AMOTL1: variants seen among roughly 807,000 people sequenced by gnomAD.
AMOTL1 encodes the protein angiomotin like 1.
In AMOTL1, 45 loss-of-function variants were observed where a neutral mutation model predicts 102.9. The ratio of observed to expected loss-of-function variants is 0.44; its 90% CI spans 0.34 to 0.56. The LOEUF is 0.56. Among genes scored for constraint, AMOTL1 ranks in the 20% least tolerant of loss-of-function variants. The pLI, the probability that AMOTL1 is intolerant of heterozygous loss-of-function variation, is 0.01. For missense variants in AMOTL1, 1,114 were observed against 1,225.6 expected (o/e 0.91, Z 1.36); for synonymous variants, 481 against 484.7 (o/e 0.99, Z 0.10).
chr11:94,829,034 A>G (rs1952021767), intron 4 of AMOTL1, among the ~76,000 whole-genome samples: 1 of 152,144 alleles, frequency 6.6e-6, no homozygotes, highest in East Asian at 1.9e-4. Context: ...TATTATATCA[A>G]ACTCCTGTTA....
At chr11:94,716,979 C>G (rs1591885601) in intron 1 of AMOTL1, among the ~76,000 whole-genome samples, 1 of 152,046 alleles carries the variant, frequency 6.6e-6, no homozygotes, top group South Asian at 2.1e-4. Context: ...TGGGCTTACC[C>G]TTTCCCTGCC....
chr11:94,728,693 C>A (rs1459887055), intron 1 of AMOTL1, among the ~76,000 whole-genome samples: 1 of 152,066 alleles, frequency 6.6e-6, no homozygotes, highest in African/African-American at 2.4e-5. Flanking sequence ...GCCTGGCATA[C>A]AATAGTCATT....
intron 3 of AMOTL1, among the ~76,000 whole-genome samples, chr11:94,753,970 G>C (rs985460358): frequency 2.0e-5 from 3 of 152,178 alleles, no homozygotes; most frequent in Non-Finnish European, 4.4e-5. Flanking sequence ...TGGAGTTCTA[G>C]CTCCTTCAGG....
In AMOTL1 at chr11:94,854,030, G is replaced by A. The variant is rs761677965; in HGVS notation, c.1892G>A (p.Arg631Gln). The A allele has an allele frequency of 8.3e-6, 13 of 1,565,460 alleles. No homozygotes were observed. Among genetic ancestry groups the A allele is most frequent in the South Asian group, 2.3e-5 (2 of 85,196 alleles). Reference sequence around the variant, plus strand: ...TGTGAGAAGCGAGAACAGATGGAGCGGAGACTGCGGACTTGGCTGGAGAGA... The same window carrying A: ...TGTGAGAAGCGAGAACAGATGGAGCAGAGACTGCGGACTTGGCTGGAGAGA... ...SACEKREQMERRLRTWLEREL... is the reference protein window; with the variant it reads ...SACEKREQMEQRLRTWLEREL... Residue 631 changes from arginine to glutamine, a missense_variant, in exon 8 of 13, where the codon CGG becomes CAG. Transcript: ENST00000433060.
At chr11:94,740,653 C>T (rs1334603777) in intron 2 of AMOTL1, among the ~76,000 whole-genome samples, 1 of 151,872 alleles carries the variant, frequency 6.6e-6, no homozygotes, top group African/African-American at 2.4e-5. Flanking sequence ...AGCGCCCGGC[C>T]GGGGGAGCCG....
chr11:94,722,373 C>T (rs1950187622), intron 1 of AMOTL1, among the ~76,000 whole-genome samples: 1 of 152,174 alleles, frequency 6.6e-6, no homozygotes, highest in South Asian at 2.1e-4. Flanking sequence ...AGTGTATCTA[C>T]TTCACATGCT....
rs1489335567 is a variant in AMOTL1 at position 94,869,265 on chromosome 11, A to G, written c.2556A>G (p.Ser852=). 2 of 1,613,264 alleles carry G rather than the reference A, an allele frequency of 1.2e-6. No homozygotes were observed. The highest frequency in any genetic ancestry group is 8.5e-7 in the Non-Finnish European group (1 of 1,179,668). Residue 852 remains serine (S), a synonymous_variant, in exon 12 of 13, where the codon TCA becomes TCG. Transcript: ENST00000433060. ...CACTGCTGCCACCCCCACCCACCTC[A>G]GCACTGTCCTCCATAGCCTCCACTA... ...SAPLLPPPPT[S]ALSSIASTTA...
intron 1 of AMOTL1, among the ~76,000 whole-genome samples, chr11:94,780,509 A>G (rs1173365101): frequency 6.6e-6 from 1 of 152,232 alleles, no homozygotes; most frequent in Non-Finnish European, 1.5e-5. Flanking sequence ...TCTGACCTAA[A>G]CAAAACTCTA....
At chr11:94,788,256 G>A (rs1210326936) in intron 1 of AMOTL1, among the ~76,000 whole-genome samples, 1 of 152,218 alleles carries the variant, frequency 6.6e-6, no homozygotes, top group Non-Finnish European at 1.5e-5. Flanking sequence ...ATAGTTGGAA[G>A]TTGAACTACC....
At chr11:94,760,368 C>T (rs1237449877) in intron 3 of AMOTL1, among the ~76,000 whole-genome samples, 1 of 152,158 alleles carries the variant, frequency 6.6e-6, no homozygotes, top group Non-Finnish European at 1.5e-5. Context: ...TCCCAGACAC[C>T]CAGGTAAAGG....
intron 6 of AMOTL1, among the ~76,000 whole-genome samples, chr11:94,845,372 C>T (rs1376513932): frequency 6.6e-6 from 1 of 152,188 alleles, no homozygotes; most frequent in African/African-American, 2.4e-5. Flanking sequence ...ATGGGACCAC[C>T]ATTCGACATT....
intron 1 of AMOTL1, among the ~76,000 whole-genome samples, chr11:94,777,697 G>A (rs1951044957): frequency 6.6e-6 from 1 of 152,120 alleles, no homozygotes; most frequent in Non-Finnish European, 1.5e-5. Flanking sequence ...TCACAATTAT[G>A]CTAATTGAAT....
At chr11:94,798,137 C>T (rs1187838735) in intron 2 of AMOTL1, among the ~76,000 whole-genome samples, 2 of 152,190 alleles carry the variant, frequency 1.3e-5, no homozygotes, top group Non-Finnish European at 2.9e-5. Flanking sequence ...CCTCTTCCCG[C>T]CTGGGGGCCT....
chr11:94,743,942 C>T (rs1007745458), intron 3 of AMOTL1, among the ~76,000 whole-genome samples: 1 of 152,066 alleles, frequency 6.6e-6, no homozygotes, highest in Non-Finnish European at 1.5e-5. Context: ...GGATTACAGG[C>T]GTGAGCCACT....
At position 94,870,713 on chromosome 11, in the gene AMOTL1, C is replaced by T. The variant is rs1333291527; in HGVS notation, c.2789C>T (p.Ser930Leu). ...GAGAACTCTCCTGGCCATGGGAAGT[C>T]GCCTGACCACAGAGGCCGGGTCAGC... ...KLENSPGHGKSPDHRGRVSSL... is the reference protein window; with the variant it reads ...KLENSPGHGKLPDHRGRVSSL... Residue 930 changes from serine (S) to leucine (L), a missense_variant, in exon 13 of 13, where the codon TCG becomes TTG. Coordinates refer to ENST00000433060, the MANE Select transcript of AMOTL1 (RefSeq NM_130847.3). 10 of 1,602,268 alleles carry T rather than the reference C, an allele frequency of 6.2e-6. No homozygotes were observed. The highest frequency in any genetic ancestry group is 4.3e-6 in the Non-Finnish European group (5 of 1,173,548).
chr11:94,813,664 G>A (rs554431508), intron 3 of AMOTL1, among the ~76,000 whole-genome samples: 4 of 152,228 alleles, frequency 2.6e-5, no homozygotes, highest in South Asian at 4.2e-4. Flanking sequence ...ACTGAAGTGC[G>A]TGTGAATATA....
chr11:94,821,456 C>T, intron 3 of AMOTL1, 74 bp from the exon 4 acceptor site: 1 of 1,468,554 alleles, frequency 6.8e-7, no homozygotes, highest in Non-Finnish European at 9.2e-7. Flanking sequence ...TCAACAGTGC[C>T]AGTATTGTTG....
At chr11:94,754,951 A>T (rs112167860) in intron 3 of AMOTL1, among the ~76,000 whole-genome samples, 52 of 152,270 alleles carry the variant, frequency 3.4e-4, no homozygotes, top group African/African-American at 1.2e-3. Flanking sequence ...TAGGTGTGGG[A>T]GCAACATCTG....
Position 94,875,847 on chromosome 11 carries a change from T to C in AMOTL1, c.*5052T>C, listed in dbSNP as rs1302763989. 1 of 152,290 alleles carries C rather than the reference T, an allele frequency of 6.6e-6. No individual in the cohort carries two copies. The highest frequency in any genetic ancestry group is 2.4e-5 in the African/African-American group (1 of 41,454). The allele number at this position is 152,290 out of a possible 1,614,324, so 9.4% of individuals were successfully genotyped here. On this transcript the variant is annotated 3_prime_UTR_variant, in exon 13 of 13. Coordinates refer to ENST00000433060, the MANE Select transcript of AMOTL1 (RefSeq NM_130847.3). The stretch of plus-strand genomic sequence containing the variant: ...CACAGATTTTTAAAAATCAATTCTC[T>C]TGCCATGCCTCCTATGTGTTCACAT...
Sources: gnomAD v4.1 joint callset for allele counts (sites outside exome capture counted in the v4.1 genomes callset) on GRCh38, gnomAD v4.1.1 for gene constraint, MANE v1.5 for transcripts, NCBI Gene and HGNC (gene_info 2026-07-23, HGNC 2026-07-21) for gene names.